The following IMMP2L variants were observed in gnomAD, a reference collection of about 807,000 sequenced individuals.
IMMP2L encodes the protein mitochondrial inner membrane protease subunit 2.
A neutral mutation model predicts 19.3 loss-of-function variants in IMMP2L; 18 were observed. The ratio of observed to expected loss-of-function variants is 0.93; its 90% CI spans 0.64 to 1.38. The LOEUF (loss-of-function observed/expected upper bound fraction) is 1.38, where lower values mean the gene tolerates loss of function less well. IMMP2L is among the 40% of genes most tolerant of loss of function. IMMP2L has a pLI of 0.00. For missense variants in IMMP2L, 233 were observed against 218.2 expected (o/e 1.07, Z -0.43); for synonymous variants, 76 against 73.0 (o/e 1.04, Z -0.21).
chr7:111,226,803 C>T (rs1813155264), intron 3 of IMMP2L, among the ~76,000 whole-genome samples: 1 of 152,042 alleles, frequency 6.6e-6, no homozygotes, highest in Non-Finnish European at 1.5e-5. Flanking sequence ...ATCTTTGAGT[C>T]TACAATAATT....
intron 2 of IMMP2L, among the ~76,000 whole-genome samples, chr7:111,493,428 C>T (rs994845476): frequency 6.6e-6 from 1 of 152,068 alleles, no homozygotes; most frequent in African/African-American, 2.4e-5. Flanking sequence ...ACAGGCCGGG[C>T]GCAGTGGCTC....
intron 5 of IMMP2L, among the ~76,000 whole-genome samples, chr7:110,876,489 TA>T (rs1176038214): frequency 6.6e-6 from 1 of 152,112 alleles, no homozygotes; most frequent in African/African-American, 2.4e-5. Flanking sequence ...TCTCATCAGG[TA>T]GCCAAGACTG....
chr7:111,184,320 A>C (rs1439343526), intron 3 of IMMP2L, among the ~76,000 whole-genome samples: 1 of 152,038 alleles, frequency 6.6e-6, no homozygotes, highest in East Asian at 1.9e-4. Context: ...GCCAATTTCC[A>C]TCTAAAATGA....
At chr7:111,052,274 A>G (rs951340951) in intron 3 of IMMP2L, among the ~76,000 whole-genome samples, 1 of 152,192 alleles carries the variant, frequency 6.6e-6, no homozygotes, top group Non-Finnish European at 1.5e-5. Flanking sequence ...AGTAACTAAG[A>G]GTCTGACACC....
chr7:110,762,778 T>C (rs894491323), intron 5 of IMMP2L, among the ~76,000 whole-genome samples: 22 of 152,220 alleles, frequency 1.4e-4, no homozygotes, highest in African/African-American at 5.1e-4. Flanking sequence ...TAGCAGGGTC[T>C]TTTATAAGCA....
At chr7:111,259,839 A>T (rs774369582) in intron 3 of IMMP2L, among the ~76,000 whole-genome samples, 6 of 152,120 alleles carry the variant, frequency 3.9e-5, no homozygotes, top group Non-Finnish European at 7.3e-5. Flanking sequence ...TTTCTTTTTT[A>T]AAAAATGTTT....
rs536706695 is a variant in IMMP2L at position 111,003,066 on chromosome 7, A to G, written c.240-39501T>C. Among the ~76,000 whole-genome samples the G allele has an allele frequency of 9.8e-4, 149 of 152,250 alleles. 1 individual carries two copies. In the South Asian group the frequency reaches 0.026, roughly 27 times the overall value. On this transcript the variant is annotated intron_variant, in intron 3 of 5. Coordinates refer to ENST00000405709, the MANE Select transcript of IMMP2L (RefSeq NM_032549.4). ...CTAGAACCCTCAAGCCATGAATACC[A>G]TTTGAGAGGATTTTTCTGCTAGCAT...
At chr7:111,231,858 A>G (rs1255247439) in intron 3 of IMMP2L, among the ~76,000 whole-genome samples, 2 of 152,056 alleles carry the variant, frequency 1.3e-5, no homozygotes, top group African/African-American at 4.8e-5. Flanking sequence ...GGAATATCAT[A>G]TGATACAACT....
intron 5 of IMMP2L, among the ~76,000 whole-genome samples, chr7:110,829,779 T>C (rs1288495301): frequency 6.6e-6 from 1 of 152,154 alleles, no homozygotes; most frequent in Non-Finnish European, 1.5e-5. Flanking sequence ...CTTTTTAAAA[T>C]ATGTATAATT....
chr7:111,428,122 T>C (rs2131659487), intron 3 of IMMP2L, among the ~76,000 whole-genome samples: 1 of 151,894 alleles, frequency 6.6e-6, no homozygotes, highest in South Asian at 2.1e-4. Flanking sequence ...TTTATGTTCC[T>C]TTTTTTAGAA....
chr7:111,079,536 C>A (rs2129576251), intron 3 of IMMP2L, among the ~76,000 whole-genome samples: 1 of 152,292 alleles, frequency 6.6e-6, no homozygotes, highest in Non-Finnish European at 1.5e-5. Context: ...CTAGTTTTGA[C>A]CTGGGCCTTA....
chr7:110,841,568 C>T lies in IMMP2L; in HGVS notation c.408+45025G>A, dbSNP rs534980096. On this transcript the variant is annotated intron_variant, in intron 5 of 5. Coordinates refer to ENST00000405709, the MANE Select transcript of IMMP2L (RefSeq NM_032549.4). Reference sequence around the variant, plus strand: ...GAATATGTTCATGCTTGCTTCACAGCTTCCTCACTTTCTTTTATCATAATA... The same window carrying T: ...GAATATGTTCATGCTTGCTTCACAGTTTCCTCACTTTCTTTTATCATAATA... 2.6e-5 allele frequency among the ~76,000 whole-genome samples: 4 copies of T among 152,226 alleles called. 1 individual carries two copies. Among genetic ancestry groups the T allele is most frequent in the African/African-American group, 9.6e-5 (4 of 41,570 alleles).
At chr7:110,881,595 G>A (rs1442660872) in intron 5 of IMMP2L, among the ~76,000 whole-genome samples, 1 of 152,082 alleles carries the variant, frequency 6.6e-6, no homozygotes, top group African/African-American at 2.4e-5. Context: ...ACTTCATTTG[G>A]ATCCTGTCAA....
At chr7:111,047,193 TTTTG>T (rs1792490699) in intron 3 of IMMP2L, among the ~76,000 whole-genome samples, 1 of 151,940 alleles carries the variant, frequency 6.6e-6, no homozygotes, top group African/African-American at 2.4e-5. Flanking sequence ...TTTGTTTTTT[TTTTG>T]TTTTTTTTGA....
At chr7:111,254,319 A>G (rs1157297974) in intron 3 of IMMP2L, among the ~76,000 whole-genome samples, 1 of 152,108 alleles carries the variant, frequency 6.6e-6, no homozygotes, top group Admixed American at 6.6e-5. Context: ...AAACTCTGGA[A>G]TGATCCTAAA....
chr7:111,120,807 C>G (rs1226972803), intron 3 of IMMP2L, among the ~76,000 whole-genome samples: 2 of 152,080 alleles, frequency 1.3e-5, no homozygotes, highest in African/African-American at 4.8e-5. Context: ...ATCTAGCTTA[C>G]TTAACATTTT....
At chr7:111,208,759 T>A (rs532896784) in intron 3 of IMMP2L, among the ~76,000 whole-genome samples, 1 of 152,126 alleles carries the variant, frequency 6.6e-6, no homozygotes, top group East Asian at 1.9e-4. Context: ...ATCCTTTGGG[T>A]CTTTATAGAA....
At chr7:110,685,251 C>T (rs1043187973) in intron 5 of IMMP2L, among the ~76,000 whole-genome samples, 4 of 152,134 alleles carry the variant, frequency 2.6e-5, no homozygotes, top group African/African-American at 9.7e-5. Flanking sequence ...AGAGCGCAAG[C>T]TTTGGAGTCA....
chr7:110,959,793 T>C lies in IMMP2L; in HGVS notation c.305+3707A>G, dbSNP rs139717903. On this transcript the variant is annotated intron_variant, in intron 4 of 5. Coordinates refer to ENST00000405709, the MANE Select transcript of IMMP2L (RefSeq NM_032549.4). Reference sequence around the variant, plus strand: ...AGACTTTACACATGGGGTGCAGCAGTGGAAAGAGAGGAGGCAGACCTTTTA... The same window carrying C: ...AGACTTTACACATGGGGTGCAGCAGCGGAAAGAGAGGAGGCAGACCTTTTA... Among the ~76,000 whole-genome samples the C allele has an allele frequency of 4.7e-4, 72 of 151,936 alleles. No individual in the cohort carries two copies. In the East Asian group the frequency reaches 0.013, roughly 28 times the overall value.
Sources: gnomAD v4.1 joint callset for allele counts (sites outside exome capture counted in the v4.1 genomes callset) on GRCh38, gnomAD v4.1.1 for gene constraint, MANE v1.5 for transcripts, NCBI Gene and HGNC (gene_info 2026-07-23, HGNC 2026-07-21) for gene names.